PTPRN2: variants seen among roughly 807,000 people sequenced by gnomAD.
PTPRN2 encodes the protein protein tyrosine phosphatase receptor type N2, also known as receptor-type tyrosine-protein phosphatase N2.
PTPRN2 carries 74 observed loss-of-function variants against 118.8 expected under a neutral mutation model. That is an observed-to-expected ratio of 0.62 (90% CI 0.52 to 0.76). PTPRN2 has a LOEUF of 0.76. Among genes scored for constraint, PTPRN2 ranks in the 30% least tolerant of loss-of-function variants. PTPRN2 has a pLI of 0.00. For missense variants in PTPRN2, 1,481 were observed against 1,394.4 expected, an observed-to-expected ratio of 1.06 and a Z score of -0.99; for synonymous variants, 641 against 608.0, an observed-to-expected ratio of 1.05 and a Z score of -0.80.
intron 12 of PTPRN2, among the ~76,000 whole-genome samples, chr7:157,782,849 A>G (rs1279836723): frequency 6.6e-6 from 1 of 152,220 alleles, no homozygotes; most frequent in African/African-American, 2.4e-5. Flanking sequence ...GGATGACAGA[A>G]TGTGCTGGCT....
chr7:157,769,818 G>A (rs1325660757), intron 12 of PTPRN2, among the ~76,000 whole-genome samples: 5 of 152,212 alleles, frequency 3.3e-5, no homozygotes, highest in Admixed American at 2.0e-4. Flanking sequence ...TATCCCAGGC[G>A]CTCCTCACCT....
At chr7:157,976,371 C>T (rs1380947717) in intron 11 of PTPRN2, among the ~76,000 whole-genome samples, 1 of 152,202 alleles carries the variant, frequency 6.6e-6, no homozygotes, top group Non-Finnish European at 1.5e-5. Context: ...CTAGCACCGG[C>T]TGGCACTCTC....
chr7:157,728,366 C>G (rs988974211), intron 12 of PTPRN2, among the ~76,000 whole-genome samples: 1 of 152,254 alleles, frequency 6.6e-6, no homozygotes, highest in Non-Finnish European at 1.5e-5. Flanking sequence ...TCAGAAAGGA[C>G]AAGCCCACAG....
At chr7:157,746,671 G>A (rs1437151332) in intron 12 of PTPRN2, among the ~76,000 whole-genome samples, 1 of 152,210 alleles carries the variant, frequency 6.6e-6, no homozygotes, top group South Asian at 2.1e-4. Context: ...TCTTCACGGG[G>A]CCCTGAGTAT....
At chr7:157,577,046 A>G (rs1192227002) in intron 18 of PTPRN2, among the ~76,000 whole-genome samples, 1 of 152,188 alleles carries the variant, frequency 6.6e-6, no homozygotes, top group African/African-American at 2.4e-5. Context: ...AAAGGTTACA[A>G]TCCAAAACTA....
intron 21 of PTPRN2, among the ~76,000 whole-genome samples, chr7:157,565,536 G>C (rs529404064): frequency 6.6e-6 from 1 of 152,210 alleles, no homozygotes. Flanking sequence ...TGGGAATGCC[G>C]TGGAAGTTTG....
At chr7:157,750,762 G>A (rs117481898) in intron 12 of PTPRN2, among the ~76,000 whole-genome samples, 4 of 152,336 alleles carry the variant, frequency 2.6e-5, no homozygotes, top group South Asian at 4.1e-4. Flanking sequence ...TAAATGTACC[G>A]CAGCGTTCAG....
intron 6 of PTPRN2, among the ~76,000 whole-genome samples, chr7:158,155,800 C>T (rs1259852495): frequency 1.3e-5 from 2 of 152,104 alleles, no homozygotes; most frequent in African/African-American, 4.8e-5. Flanking sequence ...TCAACACCAT[C>T]ATCATCACCA....
At chr7:158,293,004 G>T (rs183996754) in intron 3 of PTPRN2, among the ~76,000 whole-genome samples, 135 of 152,238 alleles carry the variant, frequency 8.9e-4, no homozygotes, top group Non-Finnish European at 1.5e-3. Context: ...GGAGGCAGAG[G>T]TTGCAGTGAG....
At position 158,205,241 on chromosome 7, in the gene PTPRN2, C is replaced by G. The variant is rs778723412; in HGVS notation, c.310G>C (p.Val104Leu). The G allele has an allele frequency of 6.2e-7, 1 of 1,614,100 alleles. No individual in the cohort carries two copies. The highest frequency in any genetic ancestry group is 8.5e-7 in the Non-Finnish European group (1 of 1,180,032). ...AGGTCTGCAAGTTCCTGGTCCATCA[C>G]ATACTGAGTATAGTCATCCTGCCAC... ...FTWQDDYTQY[V>L]MDQELADLPK... Residue 104 changes from valine to leucine, a missense_variant, in exon 4 of 23, where the codon GTG becomes CTG. By Grantham distance (32) the Val-to-Leu change is conservative. Coordinates refer to ENST00000389418, the MANE Select transcript of PTPRN2 (RefSeq NM_002847.5).
chr7:158,304,657 T>C (rs1801150138), intron 3 of PTPRN2, among the ~76,000 whole-genome samples: 1 of 152,242 alleles, frequency 6.6e-6, no homozygotes, highest in Admixed American at 6.5e-5. Context: ...CATAGGTGAA[T>C]TCAAAGATTT....
chr7:158,235,794 C>T (rs1829493437), intron 3 of PTPRN2, among the ~76,000 whole-genome samples: 1 of 152,150 alleles, frequency 6.6e-6, no homozygotes, highest in Non-Finnish European at 1.5e-5. Flanking sequence ...ATCCCAATCA[C>T]CCTGATTTGA....
intron 9 of PTPRN2, among the ~76,000 whole-genome samples, chr7:158,113,317 G>A (rs1057401981): frequency 6.6e-6 from 1 of 152,136 alleles, no homozygotes; most frequent in Non-Finnish European, 1.5e-5. Flanking sequence ...AGGAGAGATG[G>A]GGCCAACACT....
chr7:157,850,961 G>C (rs1809234415), intron 12 of PTPRN2, among the ~76,000 whole-genome samples: 1 of 152,196 alleles, frequency 6.6e-6, no homozygotes, highest in African/African-American at 2.4e-5. Context: ...AAAGCAAAGC[G>C]AGTTCTTGCT....
chr7:157,827,899 T>TG (rs1369885480), intron 12 of PTPRN2, among the ~76,000 whole-genome samples: 1 of 152,188 alleles, frequency 6.6e-6, no homozygotes, highest in East Asian at 1.9e-4. Context: ...TGTTTTTTTT[T>TG]GAAAAGGTAA....
intron 1 of PTPRN2, among the ~76,000 whole-genome samples, chr7:158,498,454 C>T (rs534715617): frequency 5.9e-5 from 9 of 151,704 alleles, no homozygotes; most frequent in South Asian, 2.1e-4. Context: ...TTGGGAACCG[C>T]GCTCTCCATG....
At chr7:158,562,230 T>C (rs1827434601) in intron 1 of PTPRN2, among the ~76,000 whole-genome samples, 1 of 152,190 alleles carries the variant, frequency 6.6e-6, no homozygotes, top group Non-Finnish European at 1.5e-5. Context: ...GGATCATAGA[T>C]GACGCCTTCT....
At chr7:158,111,033 G>T (rs1816215416) in intron 9 of PTPRN2, 118 bp from the exon 10 acceptor site, 1 of 871,046 alleles carries the variant, frequency 1.1e-6, no homozygotes, top group Non-Finnish European at 1.7e-6. Flanking sequence ...TGCTCTCCTG[G>T]CCTGGGGTCA....
intron 12 of PTPRN2, among the ~76,000 whole-genome samples, chr7:157,799,931 C>A (rs1238107352): frequency 6.7e-6 from 1 of 148,492 alleles, no homozygotes; most frequent in African/African-American, 2.5e-5. Flanking sequence ...CCGGCCCCCT[C>A]CATCCCTCAG....
Sources: gnomAD v4.1 joint callset for allele counts (sites outside exome capture counted in the v4.1 genomes callset) on GRCh38, gnomAD v4.1.1 for gene constraint, MANE v1.5 for transcripts, NCBI Gene and HGNC (gene_info 2026-07-23, HGNC 2026-07-21) for gene names.